The following WDR7 variants were observed in gnomAD, a reference collection of about 807,000 sequenced individuals.
WDR7 encodes WD repeat-containing protein 7.
Under a neutral mutation model 169.4 loss-of-function variants are expected in WDR7, and 46 were observed. The ratio of observed to expected loss-of-function variants is 0.27; its 90% CI spans 0.21 to 0.35. The LOEUF (loss-of-function observed/expected upper bound fraction) is 0.35. Ranked by LOEUF, WDR7 falls within the 10% of genes least tolerant of loss-of-function variation. The pLI, the probability that WDR7 is intolerant of heterozygous loss-of-function variation, is 1.00. For missense variants in WDR7, 1,534 were observed against 1,859.3 expected (o/e 0.83, Z 3.22); for synonymous variants, 612 against 666.8 (o/e 0.92, Z 1.27).
intron 17 of WDR7, 87 bp from the exon 18 acceptor site, chr18:56,779,344 T>C: frequency 2.1e-6 from 2 of 961,468 alleles, no homozygotes; most frequent in Non-Finnish European, 3.1e-6. Flanking sequence ...TGCCTTTTTT[T>C]GTTTTTGGTA....
In WDR7 at chr18:56,672,740, G is replaced by T. The variant is rs1483586365; in HGVS notation, c.159+66G>T. On this transcript the variant is annotated intron_variant, in intron 2 of 27. Coordinates refer to ENST00000254442, the MANE Select transcript of WDR7 (RefSeq NM_015285.3). ...AATCTACTTATTAGAAGATAATATA[G>T]TCCCCAAATGATGCTTTTGGGCCCA... The T allele has an allele frequency of 4.3e-6, 6 of 1,410,542 alleles. No homozygotes were observed. The East Asian group carries it at 1.3e-4, about 32-fold the overall frequency. 87.4% of individuals were successfully genotyped at this position (1,410,542 alleles called of 1,614,324 possible).
At chr18:56,756,168 A>G (rs2144937844) in intron 14 of WDR7, among the ~76,000 whole-genome samples, 1 of 152,320 alleles carries the variant, frequency 6.6e-6, no homozygotes, top group East Asian at 1.9e-4. Flanking sequence ...AAGGAGGGAT[A>G]TGATGGTTGT....
intron 2 of WDR7, among the ~76,000 whole-genome samples, chr18:56,678,607 C>T (rs1281440875): frequency 6.6e-6 from 1 of 152,136 alleles, no homozygotes; most frequent in Non-Finnish European, 1.5e-5. Flanking sequence ...AGCGATTCTC[C>T]TGCCTCAGCC....
intron 1 of WDR7, among the ~76,000 whole-genome samples, chr18:56,653,279 T>C (rs1417250382): frequency 1.3e-5 from 2 of 152,078 alleles, no homozygotes; most frequent in African/African-American, 2.4e-5. Flanking sequence ...TGATCTCAGC[T>C]CACTGCAACC....
chr18:56,699,531 G>A (rs909847304), intron 12 of WDR7, among the ~76,000 whole-genome samples: 10 of 152,124 alleles, frequency 6.6e-5, no homozygotes, highest in Non-Finnish European at 1.2e-4. Context: ...CATCTGTTTT[G>A]TTTATTAGAA....
chr18:56,681,329 G>A lies in WDR7; in HGVS notation c.283G>A (p.Asp95Asn). 1 of 1,595,384 alleles carries A rather than the reference G, an allele frequency of 6.3e-7. No homozygotes were observed. The highest frequency in any genetic ancestry group is 8.5e-7 in the Non-Finnish European group (1 of 1,174,902). Residue 95 changes from aspartate to asparagine, a missense_variant, in exon 4 of 28, where the codon GAT becomes AAT. Asp to Asn is a conservative substitution (Grantham distance 23, BLOSUM62 1). Coordinates refer to ENST00000254442, the MANE Select transcript of WDR7 (RefSeq NM_015285.3). ...ASESGEMCLW[D>N]VSDGRCIEFT... ...GTTTTATAGAGAGATGTGCCTCTGG[G>A]ATGTGAGTGATGGCAGATGTATTGA...
At chr18:56,899,679 A>G (rs1439444882) in intron 21 of WDR7, among the ~76,000 whole-genome samples, 3 of 151,950 alleles carry the variant, frequency 2.0e-5, no homozygotes, top group Non-Finnish European at 4.4e-5. Flanking sequence ...CATACTTTTC[A>G]TTTGTTACCT....
chr18:56,760,088 A>G (rs1209097165), intron 16 of WDR7, among the ~76,000 whole-genome samples: 1 of 152,222 alleles, frequency 6.6e-6, no homozygotes, highest in Admixed American at 6.5e-5. Flanking sequence ...GTGTATATTA[A>G]GCTATATAAA....
chr18:56,979,237 G>T (rs2047608600), intron 26 of WDR7, among the ~76,000 whole-genome samples: 1 of 152,092 alleles, frequency 6.6e-6, no homozygotes, highest in African/African-American at 2.4e-5. Context: ...TAACATTTTA[G>T]TTAATAGGGT....
At chr18:56,977,060 C>A (rs1238284268) in intron 26 of WDR7, among the ~76,000 whole-genome samples, 1 of 152,204 alleles carries the variant, frequency 6.6e-6, no homozygotes, top group Non-Finnish European at 1.5e-5. Flanking sequence ...TTTAAAGCAG[C>A]TTCTTTGCCT....
At chr18:56,924,935 C>T (rs2046782653) in intron 22 of WDR7, among the ~76,000 whole-genome samples, 2 of 152,156 alleles carry the variant, frequency 1.3e-5, no homozygotes, top group Non-Finnish European at 2.9e-5. Flanking sequence ...AGCAGTCCTC[C>T]CCTGTTACCA....
Position 56,939,387 on chromosome 18 carries a change from T to C in WDR7, c.4058T>C (p.Ile1353Thr). The change falls in exon 25 of 28, where the codon ATC becomes ACC. Residue 1353 changes from isoleucine to threonine, a missense_variant. Ile to Thr is a moderately conservative substitution (Grantham distance 89). Coordinates refer to ENST00000254442, the MANE Select transcript of WDR7 (RefSeq NM_015285.3). The stretch of plus-strand genomic sequence containing the variant: ...GGTCTTCAAGAATGTTTCCCAGCCA[T>C]CTGCAGGTAAAGAAGCCTTCAAGAG... ...KKGLQECFPAICRFYMVSYYE... is the reference protein window; with the variant it reads ...KKGLQECFPATCRFYMVSYYE... The C allele has an allele frequency of 1.3e-6, 2 of 1,571,170 alleles. No homozygotes were observed. Among genetic ancestry groups the C allele is most frequent in the Middle Eastern group, 1.7e-4 (1 of 5,900 alleles).
chr18:56,853,112 A>C (rs1351693655), intron 20 of WDR7, among the ~76,000 whole-genome samples: 1 of 152,204 alleles, frequency 6.6e-6, no homozygotes, highest in Non-Finnish European at 1.5e-5. Context: ...AAAACTTAAA[A>C]ATTAGAGAAG....
At chr18:56,821,089 A>G (rs932501674) in intron 20 of WDR7, among the ~76,000 whole-genome samples, 1 of 152,144 alleles carries the variant, frequency 6.6e-6, no homozygotes, top group Non-Finnish European at 1.5e-5. Flanking sequence ...ACTGCCAGAC[A>G]CTGTTTAGGA....
intron 14 of WDR7, among the ~76,000 whole-genome samples, chr18:56,753,948 A>G (rs530789318): frequency 2.6e-5 from 4 of 152,070 alleles, no homozygotes; most frequent in African/African-American, 9.6e-5. Flanking sequence ...GATTATATAC[A>G]ATCTAAGAAA....
chr18:56,978,086 A>G (rs886297237), intron 26 of WDR7, among the ~76,000 whole-genome samples: 1 of 152,238 alleles, frequency 6.6e-6, no homozygotes, highest in South Asian at 2.1e-4. Flanking sequence ...CATTATACCT[A>G]TACAGCAGTT....
chr18:56,715,512 G>A (rs2026171853), intron 12 of WDR7, among the ~76,000 whole-genome samples: 1 of 152,132 alleles, frequency 6.6e-6, no homozygotes, highest in South Asian at 2.1e-4. Context: ...ATTTTGGAGA[G>A]TTTGGGAGTC....
chr18:56,827,206 C>G (rs2045221752), intron 20 of WDR7, among the ~76,000 whole-genome samples: 1 of 152,160 alleles, frequency 6.6e-6, no homozygotes, highest in Non-Finnish European at 1.5e-5. Context: ...GGACAGCTTC[C>G]TTACTTGTTC....
chr18:57,016,812 C>T (rs2048213365), intron 26 of WDR7, among the ~76,000 whole-genome samples: 1 of 152,158 alleles, frequency 6.6e-6, no homozygotes, highest in Non-Finnish European at 1.5e-5. Flanking sequence ...TTATCTCCTG[C>T]TAGGAATAAT....
Sources: allele counts gnomAD v4.1 joint callset (sites outside exome capture counted in the v4.1 genomes callset), GRCh38; gene constraint gnomAD v4.1.1; transcripts MANE v1.5; gene names NCBI Gene and HGNC (gene_info 2026-07-23, HGNC 2026-07-21).